ERMP1: variants seen among roughly 807,000 people sequenced by gnomAD.
ERMP1 encodes the protein endoplasmic reticulum metallopeptidase 1, also known as Felix-ina.
A neutral mutation model predicts 92.0 loss-of-function variants in ERMP1; 86 were observed. The ratio of observed to expected loss-of-function variants is 0.93; its 90% CI spans 0.79 to 1.12. The LOEUF (loss-of-function observed/expected upper bound fraction) is 1.12. Among genes scored for constraint, ERMP1 ranks in the 50% most tolerant of loss-of-function variants. ERMP1 has a pLI of 0.00. For synonymous variants in ERMP1, 530 were observed against 412.8 expected (o/e 1.28, Z -3.44); for missense variants, 1,342 against 1,116.3 (o/e 1.20, Z -2.88).
At chr9:5,809,797 A>T (rs1334055887) in intron 8 of ERMP1, among the ~76,000 whole-genome samples, 1 of 152,252 alleles carries the variant, frequency 6.6e-6, no homozygotes, top group Non-Finnish European at 1.5e-5. Flanking sequence ...TAACACTGTT[A>T]ACAGCCCGGC....
intron 10 of ERMP1, among the ~76,000 whole-genome samples, chr9:5,804,774 T>A (rs1828806596): frequency 6.6e-6 from 1 of 152,068 alleles, no homozygotes; most frequent in Non-Finnish European, 1.5e-5. Flanking sequence ...TCTGACAGGC[T>A]ATTTGAAAAG....
Position 5,810,132 on chromosome 9 carries a change from G to C in ERMP1, c.1427C>G (p.Ser476Cys), listed in dbSNP as rs1829035243. ...CCATGAGAGAGACTGTCCAATAAGA[G>C]AGATGAACACTGCTATAATGAGAAC... ...VTVLIIAVFI[S>C]LIGQSLSWYN... The change falls in exon 8 of 15, where the codon TCT becomes TGT. Residue 476 changes from serine (S) to cysteine (C), a missense_variant. Transcript: ENST00000339450. 1.2e-6 allele frequency: 2 copies of C among 1,613,938 alleles called. No individual in the cohort carries two copies. The highest frequency in any genetic ancestry group is 1.7e-6 in the Non-Finnish European group (2 of 1,179,836).
rs1254005250 is a variant in ERMP1 at position 5,832,805 on chromosome 9, G to T, written c.223C>A (p.Leu75Met). Residue 75 changes from leucine to methionine, a missense_variant, in exon 1 of 15, where the codon CTG becomes ATG. Physicochemically the swap from Leu to Met is conservative, Grantham distance 15. Transcript: ENST00000339450. Reference protein sequence around the residue: ...GTGLSEVRAALGLALYLIALR... With the variant: ...GTGLSEVRAAMGLALYLIALR... ...GCGATCAGGTAGAGCGCGAGCCCCA[G>T]CGCGGCGCGCACCTCAGACAGCCCG... 1.3e-6 allele frequency: 2 copies of T among 1,501,904 alleles called. No homozygotes were observed. The highest frequency in any genetic ancestry group is 4.2e-5 in the Admixed American group (2 of 47,076). 93.0% of individuals were successfully genotyped at this position (1,501,904 alleles called of 1,614,324 possible).
chr9:5,839,405 C>A (rs907198606), intron 6 of ERMP1, among the ~76,000 whole-genome samples: 9 of 152,188 alleles, frequency 5.9e-5, no homozygotes, highest in African/African-American at 2.2e-4. Context: ...ATTTGAGGGT[C>A]ACACACCCAG....
intron 4 of ERMP1, among the ~76,000 whole-genome samples, chr9:5,819,188 GGATA>G (rs1178788252): frequency 6.6e-6 from 1 of 152,106 alleles, no homozygotes; most frequent in Non-Finnish European, 1.5e-5. Flanking sequence ...ATGGATGAAT[GGATA>G]AACGAAACAT....
intron 10 of ERMP1, among the ~76,000 whole-genome samples, chr9:5,804,371 T>C (rs1156619527): frequency 6.6e-6 from 1 of 152,106 alleles, no homozygotes; most frequent in African/African-American, 2.4e-5. Context: ...CACTGTCTTT[T>C]CTTCCCTCTG....
chr9:5,818,977 T>C (rs527554094), intron 4 of ERMP1, among the ~76,000 whole-genome samples: 1 of 152,332 alleles, frequency 6.6e-6, no homozygotes, highest in East Asian at 1.9e-4. Flanking sequence ...TTATATGTAT[T>C]TGCATTTATT....
rs1828839492 is a variant in ERMP1, at chr9:5,805,613, T to C, written c.1721A>G (p.His574Arg). The C allele has an allele frequency of 1.0e-5, 16 of 1,573,782 alleles. No individual in the cohort carries two copies. Among genetic ancestry groups the C allele is most frequent in the Middle Eastern group, 1.7e-4 (1 of 5,904 alleles). Residue 574 changes from histidine (H) to arginine (R), a missense_variant and splice_region_variant, in exon 9 of 15, where the codon CAT becomes CGT. Physicochemically the swap from His to Arg is conservative, Grantham distance 29 (BLOSUM62 0). Coordinates refer to ENST00000339450, the MANE Select transcript of ERMP1 (RefSeq NM_024896.3). ...KLCVHKDFKQHGAQGKFIAFY... is the reference protein window; with the variant it reads ...KLCVHKDFKQRGAQGKFIAFY... ...TATCAAAATCAAAAATACCCTACCA[T>C]GCTGCTTGAAGTCCTTATGCACACA...
chr9:5,824,391 T>C (rs367948348), intron 3 of ERMP1, among the ~76,000 whole-genome samples: 1 of 152,010 alleles, frequency 6.6e-6, no homozygotes, highest in Non-Finnish European at 1.5e-5. Flanking sequence ...CTGGGCAACA[T>C]AGCGAGACTC....
chr9:5,801,523 G>C (rs1297871019), intron 10 of ERMP1, among the ~76,000 whole-genome samples, 195 bp from the exon 11 acceptor site: 1 of 152,168 alleles, frequency 6.6e-6, no homozygotes, highest in Non-Finnish European at 1.5e-5. Flanking sequence ...TGAGAACCTA[G>C]AAAATGACAG....
intron 6 of ERMP1, among the ~76,000 whole-genome samples, chr9:5,845,842 C>T (rs1051824200): frequency 6.6e-6 from 1 of 152,118 alleles, no homozygotes; most frequent in African/African-American, 2.4e-5. Context: ...TTTGAGGCCA[C>T]AGAACCATGG....
At chr9:5,844,011 G>A (rs558703317) in intron 6 of ERMP1, among the ~76,000 whole-genome samples, 1 of 152,290 alleles carries the variant, frequency 6.6e-6, no homozygotes, top group East Asian at 1.9e-4. Context: ...GACTTAATTT[G>A]AGGGGTAATG....
chr9:5,831,033 A>G lies in ERMP1; in HGVS notation c.339-5T>C, dbSNP rs1829918325. 1.3e-6 allele frequency: 2 copies of G among 1,598,680 alleles called. No individual in the cohort carries two copies. Among genetic ancestry groups the G allele is most frequent in the Non-Finnish European group, 1.7e-6 (2 of 1,170,480 alleles). ...GTTATGTGTTCAAGATAATCCCTGG[A>G]AGTAACCAAAAGAATAACAAAGGTT... is the stretch of plus-strand genomic sequence containing the variant. On this transcript the variant is annotated splice_polypyrimidine_tract_variant and splice_region_variant and intron_variant, in intron 1 of 14. Transcript: ENST00000339450.
chr9:5,789,819 G>C (rs913807195), intron 13 of ERMP1, among the ~76,000 whole-genome samples: 1 of 150,756 alleles, frequency 6.6e-6, no homozygotes, highest in East Asian at 1.9e-4. Context: ...AAGTAGCTGG[G>C]ACTACAGATG....
chr9:5,787,768 A>G (rs1237505542), intron 13 of ERMP1, among the ~76,000 whole-genome samples, 175 bp from the exon 14 acceptor site: 4 of 152,236 alleles, frequency 2.6e-5, no homozygotes, highest in Admixed American at 6.5e-5. Flanking sequence ...ACAAGGTTAA[A>G]TAATGAGGTA....
intron 6 of ERMP1, among the ~76,000 whole-genome samples, chr9:5,843,326 C>T (rs1174198703): frequency 6.6e-6 from 1 of 152,204 alleles, no homozygotes; most frequent in Non-Finnish European, 1.5e-5. Flanking sequence ...GTGAAACCTT[C>T]TGCTCTGTTA....
chr9:5,843,811 AC>A lies in ERMP1; in HGVS notation n.3200-10500del, dbSNP rs543953610. Among the ~76,000 whole-genome samples the A allele has an allele frequency of 1.2e-4, 19 of 152,314 alleles. No individual in the cohort carries two copies. In the East Asian group the frequency reaches 3.7e-3, roughly 29 times the overall value. Reference sequence around the variant, plus strand: ...CCCTACCACGGACAGTGTTGCACACACCGGGGTTGTAAAACTCAAAGGCAGA... The same window carrying A: ...CCCTACCACGGACAGTGTTGCACACACGGGGTTGTAAAACTCAAAGGCAGA... On this transcript the variant is annotated intron_variant and non_coding_transcript_variant, in intron 6 of 6. Transcript: ENST00000690753.
At chr9:5,813,140 G>C (rs1472407627) in intron 4 of ERMP1, 105 bp from the exon 5 acceptor site, 6 of 1,170,680 alleles carry the variant, frequency 5.1e-6, no homozygotes, top group Non-Finnish European at 7.5e-6. Flanking sequence ...GGTTTTGGGA[G>C]ACGGGTCCAA....
chr9:5,811,337 CAAA>C lies in ERMP1; in HGVS notation c.1115-17_1115-15del. On this transcript the variant is annotated splice_polypyrimidine_tract_variant and intron_variant, in intron 6 of 14. Coordinates refer to ENST00000339450, the MANE Select transcript of ERMP1 (RefSeq NM_024896.3). The stretch of plus-strand genomic sequence containing the variant: ...AAATGTTGTCACCTATTAGTAAAAA[CAAA>C]AAAAAAAAGAAAGAAAAGGAAAAAG... 2.6e-6 allele frequency: 3 copies of C among 1,155,066 alleles called. No homozygotes were observed. Among genetic ancestry groups the C allele is most frequent in the Non-Finnish European group, 3.5e-6 (3 of 849,648 alleles). The allele number at this position is 1,155,066 out of a possible 1,614,324, so 71.6% of individuals were successfully genotyped here.
Sources: allele counts gnomAD v4.1 joint callset (sites outside exome capture counted in the v4.1 genomes callset), GRCh38; gene constraint gnomAD v4.1.1; transcripts MANE v1.5; gene names NCBI Gene and HGNC (gene_info 2026-07-23, HGNC 2026-07-21).